Variants in ANKS1B observed in about 807,000 individuals in gnomAD.
The protein encoded by ANKS1B is ankyrin repeat and sterile alpha motif domain-containing protein 1B.
Under a neutral mutation model 148.3 loss-of-function variants are expected in ANKS1B, and 36 were observed. That is an observed-to-expected ratio of 0.24 (90% CI 0.19 to 0.32). The LOEUF (loss-of-function observed/expected upper bound fraction) is 0.32. ANKS1B is among the 10% of genes least tolerant of loss of function. The pLI is 1.00. For missense variants in ANKS1B, 1,157 were observed against 1,542.6 expected (o/e 0.75, Z 4.19); for synonymous variants, 542 against 560.8 (o/e 0.97, Z 0.47).
intron 10 of ANKS1B, among the ~76,000 whole-genome samples, chr12:99,494,594 G>T (rs1011832802): frequency 2.6e-5 from 4 of 151,746 alleles, no homozygotes; most frequent in Non-Finnish European, 4.4e-5. Context: ...TTAGCCGGGC[G>T]TGGTGGCGGG....
intron 8 of ANKS1B, among the ~76,000 whole-genome samples, chr12:99,674,560 T>C (rs1004841125): frequency 6.6e-6 from 1 of 151,766 alleles, no homozygotes; most frequent in African/African-American, 2.4e-5. Context: ...GAACTGAATA[T>C]ATAATCTTTA....
intron 10 of ANKS1B, among the ~76,000 whole-genome samples, chr12:99,471,401 C>T (rs2096240146): frequency 6.6e-6 from 1 of 151,936 alleles, no homozygotes; most frequent in South Asian, 2.1e-4. Flanking sequence ...AATTAGATGT[C>T]ACAAAAGGCC....
chr12:99,236,230 G>A (rs1307543571), intron 14 of ANKS1B, among the ~76,000 whole-genome samples: 8 of 152,156 alleles, frequency 5.3e-5, no homozygotes, highest in Admixed American at 5.2e-4. Context: ...CTAGATATAG[G>A]ATCATGCCAT....
chr12:99,784,835 C>T (rs1341986874), intron 4 of ANKS1B, among the ~76,000 whole-genome samples: 1 of 152,098 alleles, frequency 6.6e-6, no homozygotes, highest in Non-Finnish European at 1.5e-5. Context: ...ATCCCTGACC[C>T]CTGAAGTTTA....
intron 21 of ANKS1B, 75 bp downstream of exon 21, chr12:98,800,922 A>G (rs1190271864): frequency 2.7e-6 from 4 of 1,491,334 alleles, no homozygotes; most frequent in South Asian, 1.3e-5. Context: ...TATATTTTCA[A>G]TGTAAATGCA....
chr12:99,806,360 C>T, intron 4 of ANKS1B, 44 bp downstream of exon 4: 3 of 1,599,024 alleles, frequency 1.9e-6, no homozygotes, highest in Non-Finnish European at 2.6e-6. Context: ...CAAAGCCAAG[C>T]AACAGCATCA....
intron 15 of ANKS1B, among the ~76,000 whole-genome samples, chr12:99,096,511 C>T (rs922813901): frequency 2.0e-5 from 3 of 152,102 alleles, no homozygotes; most frequent in Non-Finnish European, 4.4e-5. Context: ...AGGCAGGAGG[C>T]TAACCCCACG....
chr12:99,231,876 A>T (rs1208343272), intron 14 of ANKS1B, among the ~76,000 whole-genome samples: 2 of 152,080 alleles, frequency 1.3e-5, no homozygotes, highest in South Asian at 2.1e-4. Flanking sequence ...GGAGAAAGGG[A>T]CATATTTAGG....
At position 98,762,622 on chromosome 12, in the gene ANKS1B, G is replaced by A. The variant is rs1029173524; in HGVS notation, c.3579+10420C>T. Among the ~76,000 whole-genome samples the A allele has an allele frequency of 3.9e-5, 6 of 152,344 alleles. No homozygotes were observed. In the East Asian group the frequency reaches 1.2e-3, roughly 29 times the overall value. On this transcript the variant is annotated intron_variant, in intron 25 of 26. Transcript: ENST00000683438. ...GCCATCTCCCACCTTTGCCTGGTGA[G>A]TTACTGCTTATCCTTGAAGACTCAC... is the stretch of plus-strand genomic sequence containing the variant.
chr12:99,383,359 C>T (rs186119089), intron 12 of ANKS1B, among the ~76,000 whole-genome samples: 3 of 152,290 alleles, frequency 2.0e-5, no homozygotes, highest in East Asian at 1.9e-4. Flanking sequence ...ATGCAGCAGA[C>T]GTTGCCTGTA....
chr12:99,231,749 A>C (rs551514041), intron 14 of ANKS1B, among the ~76,000 whole-genome samples: 1 of 152,218 alleles, frequency 6.6e-6, no homozygotes, highest in East Asian at 1.9e-4. Flanking sequence ...CCTGATGCAG[A>C]CCCAGAGCTA....
chr12:99,514,970 AG>A (rs1351342437), intron 9 of ANKS1B, among the ~76,000 whole-genome samples: 2 of 151,956 alleles, frequency 1.3e-5, no homozygotes, highest in Admixed American at 1.3e-4. Flanking sequence ...ATAGATTAGT[AG>A]TTTTTGCTTT....
At chr12:98,797,459 T>C (rs1242883597) in intron 22 of ANKS1B, among the ~76,000 whole-genome samples, 1 of 152,184 alleles carries the variant, frequency 6.6e-6, no homozygotes, top group African/African-American at 2.4e-5. Flanking sequence ...CAGTAAATGT[T>C]AGCAGCTATC....
In ANKS1B at chr12:99,158,403, T is replaced by C. The variant is rs192639252; in HGVS notation, c.2420-4008A>G. Among the ~76,000 whole-genome samples, 521 of 152,258 alleles carry C rather than the reference T, an allele frequency of 3.4e-3. 2 individuals carry two copies. Among genetic ancestry groups the C allele is most frequent in the African/African-American group, 0.012 (488 of 41,558 alleles). ...GGCAGTGTGGTGTGAATTATTATCCTGATTTACCGTAAGGAAACTGAAGCT... is the reference window on the plus strand; with the variant it reads ...GGCAGTGTGGTGTGAATTATTATCCCGATTTACCGTAAGGAAACTGAAGCT... On this transcript the variant is annotated intron_variant, in intron 14 of 26. Coordinates refer to ENST00000683438, the MANE Select transcript of ANKS1B (RefSeq NM_001352186.2).
intron 1 of ANKS1B, among the ~76,000 whole-genome samples, chr12:99,899,625 G>A (rs2093515187): frequency 6.6e-6 from 1 of 151,824 alleles, no homozygotes; most frequent in South Asian, 2.1e-4. Context: ...TATTTCAAGA[G>A]GAAAAAAAGT....
intron 14 of ANKS1B, among the ~76,000 whole-genome samples, chr12:99,171,251 C>T (rs1334241993): frequency 1.3e-5 from 2 of 152,176 alleles, no homozygotes; most frequent in Non-Finnish European, 2.9e-5. Context: ...AACTACATGT[C>T]CTTCTTCCTT....
intron 8 of ANKS1B, among the ~76,000 whole-genome samples, chr12:99,755,591 C>T (rs2061489372): frequency 1.3e-5 from 1 of 74,324 alleles, no homozygotes; most frequent in Non-Finnish European, 2.7e-5. Flanking sequence ...ATGCAAAAAT[C>T]CTCAAAAAAA....
chr12:99,290,621 C>T (rs1398263868), intron 12 of ANKS1B, among the ~76,000 whole-genome samples: 3 of 151,774 alleles, frequency 2.0e-5, no homozygotes, highest in African/African-American at 7.3e-5. Flanking sequence ...GTTTAACATA[C>T]ACAAATCAAT....
chr12:99,329,098 G>A (rs952755296), intron 12 of ANKS1B, among the ~76,000 whole-genome samples: 2 of 151,916 alleles, frequency 1.3e-5, no homozygotes, highest in African/African-American at 4.8e-5. Context: ...GAACTATGGA[G>A]CAACTTCAAG....
Sources: gnomAD v4.1 joint callset for allele counts (sites outside exome capture counted in the v4.1 genomes callset) on GRCh38, gnomAD v4.1.1 for gene constraint, MANE v1.5 for transcripts, NCBI Gene and HGNC (gene_info 2026-07-23, HGNC 2026-07-21) for gene names.